Variants in FRMPD1 observed in about 807,000 individuals in gnomAD.
FRMPD1 encodes FERM and PDZ domain-containing protein 1.
In FRMPD1, 76 loss-of-function variants were observed where a neutral mutation model predicts 117.8. The observed-to-expected ratio is 0.65, with a 90% CI of 0.54 to 0.78. The LOEUF (loss-of-function observed/expected upper bound fraction) is 0.78, where lower values mean the gene tolerates loss of function less well. FRMPD1 is among the 30% of genes least tolerant of loss of function. FRMPD1 has a pLI of 0.00. For missense variants in FRMPD1, 1,786 were observed against 1,964.5 expected, an observed-to-expected ratio of 0.91 and a Z score of 1.72; for synonymous variants, 783 against 770.4, an observed-to-expected ratio of 1.02 and a Z score of -0.27.
chr9:37,700,076 C>T (rs926675819), intron 2 of FRMPD1, among the ~76,000 whole-genome samples: 1 of 152,096 alleles, frequency 6.6e-6, no homozygotes, highest in Admixed American at 6.5e-5. Context: ...CTTTCTAATA[C>T]TATTAATGGT....
At chr9:37,654,827 T>G (rs1237323025) in intron 1 of FRMPD1, among the ~76,000 whole-genome samples, 1 of 152,190 alleles carries the variant, frequency 6.6e-6, no homozygotes, top group African/African-American at 2.4e-5. Flanking sequence ...CAATACAGAA[T>G]TATATATTTT....
chr9:37,737,343 G>C (rs1475930253), intron 14 of FRMPD1, 100 bp downstream of exon 14: 2 of 1,027,576 alleles, frequency 1.9e-6, no homozygotes. Flanking sequence ...TTGAGCCGAG[G>C]CTTCAGCTCA....
chr9:37,717,381 ATTT>A (rs61705193), intron 5 of FRMPD1, among the ~76,000 whole-genome samples: 6,761 of 113,982 alleles, frequency 0.059, 302 homozygotes, highest in East Asian at 0.15. Flanking sequence ...ATATATATAT[ATTT>A]TTTTTTTTTT....
intron 1 of FRMPD1, among the ~76,000 whole-genome samples, chr9:37,683,374 G>A (rs1463229207): frequency 6.6e-6 from 1 of 152,198 alleles, no homozygotes; most frequent in African/African-American, 2.4e-5. Context: ...TCAAAGCATT[G>A]TCACAGCATA....
intron 2 of FRMPD1, among the ~76,000 whole-genome samples, chr9:37,698,549 C>CTTTTTT (rs531498194): frequency 2.9e-3 from 216 of 74,606 alleles, no homozygotes; most frequent in African/African-American, 4.1e-3. Context: ...ATCTCATTAT[C>CTTTTTT]TTTTTTTTTT....
Position 37,745,736 on chromosome 9 carries a change from C to T in FRMPD1, c.3704C>T (p.Thr1235Ile). The T allele has an allele frequency of 6.2e-7, 1 of 1,614,162 alleles. No individual in the cohort carries two copies. The highest frequency in any genetic ancestry group is 8.5e-7 in the Non-Finnish European group (1 of 1,179,998). ...AAGGCAGAGGCACCTAACCATGTGA[C>T]AGGGCAAGATATAGCCCCTAGGGAC... ...GIKAEAPNHVTGQDIAPRDSP... is the reference protein window; with the variant it reads ...GIKAEAPNHVIGQDIAPRDSP... Residue 1235 changes from threonine to isoleucine, a missense_variant, in exon 16 of 16, where the codon ACA (threonine) becomes ATA (isoleucine). By Grantham distance (89) the Thr-to-Ile change is moderately conservative (BLOSUM62 -1). Coordinates refer to ENST00000377765, the MANE Select transcript of FRMPD1 (RefSeq NM_014907.3).
At chr9:37,634,346 C>T in the FRMPD1 span, among the ~76,000 whole-genome samples, 2 of 152,124 alleles carry the variant, frequency 1.3e-5, no homozygotes, top group East Asian at 1.9e-4. Flanking sequence ...CTTTTACAAT[C>T]CTTAGCTTTT....
chr9:37,637,060 G>C, the FRMPD1 span: 1 of 1,546,720 alleles, frequency 6.5e-7, no homozygotes, highest in Admixed American at 1.7e-5. Context: ...GAGCCCCCCG[G>C]TAGTAGCTGG....
chr9:37,627,884 TA>T, the FRMPD1 span, among the ~76,000 whole-genome samples: 1 of 152,196 alleles, frequency 6.6e-6, no homozygotes, highest in African/African-American at 2.4e-5. Context: ...GAGAGGTCCT[TA>T]ATAATTATCA....
At position 37,742,481 on chromosome 9, in the gene FRMPD1, CCTGA is replaced by C. The variant is rs1824469709; in HGVS notation, c.2356+1604_2356+1607del. On this transcript the variant is annotated intron_variant, in intron 15 of 15. Coordinates refer to ENST00000377765, the MANE Select transcript of FRMPD1 (RefSeq NM_014907.3). ...CCTCAGCCTGGGTTCTGATTTGGCCCCTGACTGACTATTGGAGCCTCTTTGTCTT... is the reference window on the plus strand; with the variant it reads ...CCTCAGCCTGGGTTCTGATTTGGCCCCTGACTATTGGAGCCTCTTTGTCTT... Among the ~76,000 whole-genome samples, 3 of 152,320 alleles carry C rather than the reference CCTGA, an allele frequency of 2.0e-5. No homozygotes were observed. In the South Asian group the frequency reaches 6.2e-4, roughly 32 times the overall value.
rs114446258 is a variant in FRMPD1 at position 37,704,977 on chromosome 9, C to T, written c.102-2439C>T. Among the ~76,000 whole-genome samples the T allele has an allele frequency of 2.0e-3, 307 of 152,156 alleles. 1 individual carries two copies. Among genetic ancestry groups the T allele is most frequent in the African/African-American group, 7.0e-3 (289 of 41,514 alleles). Reference sequence around the variant, plus strand: ...CCCTGAATTACATTAGTACACATCACTAGTTTTGTTACTTGAATCCTTTCT... The same window carrying T: ...CCCTGAATTACATTAGTACACATCATTAGTTTTGTTACTTGAATCCTTTCT... On this transcript the variant is annotated intron_variant, in intron 2 of 15. Transcript: ENST00000377765.
the FRMPD1 span, among the ~76,000 whole-genome samples, chr9:37,618,014 G>A: frequency 4.6e-5 from 7 of 152,246 alleles, no homozygotes; most frequent in Admixed American, 6.5e-5. Flanking sequence ...GGGTGGGGCA[G>A]CCCCAGCTGA....
At chr9:37,625,948 A>T in the FRMPD1 span, among the ~76,000 whole-genome samples, 1 of 152,248 alleles carries the variant, frequency 6.6e-6, no homozygotes, top group East Asian at 1.9e-4. Context: ...GAGGGCCGGG[A>T]GCGGCGGCTC....
chr9:37,653,089 G>A (rs1820728300), intron 1 of FRMPD1, among the ~76,000 whole-genome samples: 1 of 152,212 alleles, frequency 6.6e-6, no homozygotes, highest in East Asian at 1.9e-4. Flanking sequence ...AGAAGGCAGA[G>A]CACTTCAGAG....
upstream of FRMPD1, among the ~76,000 whole-genome samples, chr9:37,650,462 C>T (rs1412538010): frequency 6.6e-6 from 1 of 152,158 alleles, no homozygotes; most frequent in Non-Finnish European, 1.5e-5. Context: ...ACAGTGCCTA[C>T]CGTGGGCCCA....
At chr9:37,676,476 G>A (rs375360255) in intron 1 of FRMPD1, among the ~76,000 whole-genome samples, 3 of 152,032 alleles carry the variant, frequency 2.0e-5, no homozygotes, top group East Asian at 1.9e-4. Flanking sequence ...TGGGTCCTGC[G>A]GTTTTCGGCG....
chr9:37,729,542 G>C (rs1314183656), intron 7 of FRMPD1, among the ~76,000 whole-genome samples, 186 bp from the exon 8 acceptor site: 3 of 152,140 alleles, frequency 2.0e-5, no homozygotes, highest in Admixed American at 6.5e-5. Context: ...TGGAGCTTGA[G>C]GAGAGGGGAG....
the FRMPD1 span, among the ~76,000 whole-genome samples, chr9:37,618,383 T>C: frequency 6.6e-6 from 1 of 152,124 alleles, no homozygotes; most frequent in Non-Finnish European, 1.5e-5. Context: ...CAGTTCTCCC[T>C]CTCCACTGCT....
chr9:37,699,400 A>G (rs1212587428), intron 2 of FRMPD1, among the ~76,000 whole-genome samples: 1 of 150,488 alleles, frequency 6.6e-6, no homozygotes, highest in African/African-American at 2.4e-5. Context: ...GCTCACTGCA[A>G]CTGGCACCTC....
Sources: gnomAD v4.1 joint callset for allele counts (sites outside exome capture counted in the v4.1 genomes callset) on GRCh38, gnomAD v4.1.1 for gene constraint, MANE v1.5 for transcripts, NCBI Gene and HGNC (gene_info 2026-07-23, HGNC 2026-07-21) for gene names.